The following GRAMD4 variants were observed in gnomAD, a reference collection of about 807,000 sequenced individuals.
The protein encoded by GRAMD4 is GRAM domain containing 4, also known as GRAM domain-containing protein 4.
GRAMD4 carries 25 observed loss-of-function variants against 83.9 expected under a neutral mutation model. The observed-to-expected ratio is 0.30, with a 90% CI of 0.22 to 0.42. The LOEUF is 0.42. Among genes scored for constraint, GRAMD4 ranks in the 10% least tolerant of loss-of-function variants. The probability of loss-of-function intolerance (pLI) is 1.00; values close to 1 mark genes in which losing one functional copy is unlikely to be tolerated. For missense variants in GRAMD4, 593 were observed against 788.7 expected (o/e 0.75, Z 2.97); for synonymous variants, 336 against 320.9 (o/e 1.05, Z -0.50).
At chr22:46,661,323 C>A in intron 4 of GRAMD4, 58 bp from the exon 5 acceptor site, 1 of 1,404,090 alleles carries the variant, frequency 7.1e-7, no homozygotes, top group Non-Finnish European at 1.0e-6. Flanking sequence ...GGGTGCCTGA[C>A]TGGGCATGGA....
At chr22:46,589,912 A>G (rs1164857435) in intron 1 of GRAMD4, among the ~76,000 whole-genome samples, 3 of 152,158 alleles carry the variant, frequency 2.0e-5, no homozygotes, top group Middle Eastern at 3.4e-3. Context: ...CCCTTTCTGC[A>G]GCTTTCTCCC....
chr22:46,632,100 C>T (rs1194165695), intron 2 of GRAMD4, among the ~76,000 whole-genome samples: 1 of 152,246 alleles, frequency 6.6e-6, no homozygotes, highest in Non-Finnish European at 1.5e-5. Flanking sequence ...TCGTTGTGGG[C>T]TGTTTGTGTC....
At chr22:46,576,816 G>A (rs2081045796), upstream of GRAMD4, among the ~76,000 whole-genome samples, 1 of 148,420 alleles carries the variant, frequency 6.7e-6, no homozygotes, top group Admixed American at 6.7e-5. Flanking sequence ...CGTGGCGTCC[G>A]CCGTGGCAAG....
intron 1 of GRAMD4, among the ~76,000 whole-genome samples, chr22:46,579,667 C>T (rs2081078357): frequency 6.6e-6 from 1 of 152,192 alleles, no homozygotes; most frequent in South Asian, 2.1e-4. Flanking sequence ...CCCTCCCCTC[C>T]CTGGGGGCCA....
rs1360879781 is a variant in GRAMD4 at position 46,678,160 on chromosome 22, C to T, written c.*909C>T. ...ACTGTGGCATGTCTGGCACATGGCC[C>T]CCAGGCTGCGGTTGCCTGGGTTGGT... On this transcript the variant is annotated 3_prime_UTR_variant, in exon 19 of 19. Coordinates refer to ENST00000406902, the MANE Select transcript of GRAMD4 (RefSeq NM_015124.5). The T allele has an allele frequency of 1.0e-6, 1 of 985,480 alleles. No individual in the cohort carries two copies. Among genetic ancestry groups the T allele is most frequent in the Non-Finnish European group, 1.2e-6 (1 of 830,066 alleles). The allele number at this position is 985,480 out of a possible 1,614,324, so 61.0% of individuals were successfully genotyped here.
intron 1 of GRAMD4, among the ~76,000 whole-genome samples, chr22:46,597,710 C>T (rs1467884367): frequency 1.3e-5 from 2 of 152,028 alleles, no homozygotes; most frequent in East Asian, 1.9e-4. Flanking sequence ...AGGATGGTCT[C>T]GATCTCCTGA....
chr22:46,655,527 G>A (rs1474769750), intron 3 of GRAMD4, among the ~76,000 whole-genome samples: 2 of 152,198 alleles, frequency 1.3e-5, no homozygotes, highest in Non-Finnish European at 2.9e-5. Flanking sequence ...AACCCCAGAT[G>A]TGTAGGGGGT....
rs1220314231 is a variant in GRAMD4, at chr22:46,621,656, G to A, written c.-50+1091G>A. ...CCGGGCCCATCCCTGGCAGTGTGTC[G>A]CGGAGGGCACCCCTACCCCGGTGCA... On this transcript the variant is annotated intron_variant, in intron 1 of 18. Coordinates refer to ENST00000406902, the MANE Select transcript of GRAMD4 (RefSeq NM_015124.5). The surrounding 1 kb of genome is among the most constrained non-coding windows in gnomAD (Gnocchi z 5.8). Among the ~76,000 whole-genome samples, 1 of 133,448 alleles carries A rather than the reference G, an allele frequency of 7.5e-6. No homozygotes were observed. Among genetic ancestry groups the A allele is most frequent in the Non-Finnish European group, 1.6e-5 (1 of 61,684 alleles). The allele number at this position is 133,448 out of a possible 152,430, so 87.5% of individuals were successfully genotyped here. A position where few individuals can be genotyped will look rare whatever the true frequency, so the allele number is the denominator to read the frequency against.
At chr22:46,623,615 C>G (rs2081609831) in intron 1 of GRAMD4, among the ~76,000 whole-genome samples, 1 of 151,956 alleles carries the variant, frequency 6.6e-6, no homozygotes, top group African/African-American at 2.4e-5. Context: ...CCAGGATGGT[C>G]TCGATGTCCT....
At position 46,677,283 on chromosome 22, in the gene GRAMD4, T is replaced by A. The variant is rs747492343; in HGVS notation, c.*32T>A. On this transcript the variant is annotated 3_prime_UTR_variant, in exon 19 of 19. Coordinates refer to ENST00000406902, the MANE Select transcript of GRAMD4 (RefSeq NM_015124.5). ...CTTGCCCAGGACGTTGCTGGAATTT[T>A]CTTTTTCTTTTTCTTTTTCTTTTTT... 10 of 1,556,560 alleles carry A rather than the reference T, an allele frequency of 6.4e-6. No homozygotes were observed.
At chr22:46,655,011 C>T (rs1410616118) in intron 3 of GRAMD4, among the ~76,000 whole-genome samples, 13 of 152,104 alleles carry the variant, frequency 8.5e-5, no homozygotes, top group Non-Finnish European at 1.9e-4. Context: ...AAGGCTACGC[C>T]AGATGGGGGG....
chr22:46,673,231 A>G (rs922119835), intron 14 of GRAMD4, among the ~76,000 whole-genome samples: 1 of 152,218 alleles, frequency 6.6e-6, no homozygotes, highest in East Asian at 1.9e-4. Context: ...GATGACTGAG[A>G]GCCAGCAGGC....
intron 1 of GRAMD4, among the ~76,000 whole-genome samples, chr22:46,609,772 C>A (rs138526): frequency 0.8 from 120,983 of 152,112 alleles, 48,903 homozygotes; most frequent in East Asian, 1. Context: ...GGCCGTGGGG[C>A]CCCAGGCAGG....
At chr22:46,665,777 A>C (rs979575344) in intron 9 of GRAMD4, 71 bp downstream of exon 9, 7 of 847,382 alleles carry the variant, frequency 8.3e-6, no homozygotes, top group Non-Finnish European at 8.0e-6. Flanking sequence ...CCTGCGTCTC[A>C]CAACCGTGAC....
At chr22:46,609,962 T>A (rs1302722208) in intron 1 of GRAMD4, among the ~76,000 whole-genome samples, 1 of 152,056 alleles carries the variant, frequency 6.6e-6, no homozygotes, top group Non-Finnish European at 1.5e-5. Context: ...CACCCCTGAG[T>A]GTGGCGCCCT....
At chr22:46,637,209 A>G (rs773819756) in intron 2 of GRAMD4, among the ~76,000 whole-genome samples, 3 of 151,002 alleles carry the variant, frequency 2.0e-5, no homozygotes, top group Non-Finnish European at 4.4e-5. Context: ...GCCTGAGGAG[A>G]TCAGGATCAC....
At chr22:46,587,034 G>A (rs1189669144) in intron 1 of GRAMD4, among the ~76,000 whole-genome samples, 2 of 152,338 alleles carry the variant, frequency 1.3e-5, no homozygotes, top group Non-Finnish European at 1.5e-5. Context: ...GACAAAGCCC[G>A]TGCTGATGGT....
intron 2 of GRAMD4, among the ~76,000 whole-genome samples, chr22:46,636,682 G>A (rs552775156): frequency 1.1e-4 from 16 of 152,356 alleles, no homozygotes; most frequent in African/African-American, 2.9e-4. Context: ...ACACTCACTC[G>A]TGTGCTGTCC....
intron 3 of GRAMD4, among the ~76,000 whole-genome samples, chr22:46,652,466 G>A (rs1197920002): frequency 3.3e-5 from 5 of 152,212 alleles, no homozygotes; most frequent in Non-Finnish European, 5.9e-5. Context: ...GAATACGTTT[G>A]TGTTGTTTTA....
Sources: gnomAD v4.1 joint callset for allele counts (sites outside exome capture counted in the v4.1 genomes callset) on GRCh38, gnomAD v4.1.1 for gene constraint, Gnocchi (gnomAD v3.1) non-coding constraint, MANE v1.5 for transcripts, NCBI Gene and HGNC (gene_info 2026-07-23, HGNC 2026-07-21) for gene names.